GALNT13: variants seen among roughly 807,000 people sequenced by gnomAD.
The protein encoded by GALNT13 is polypeptide N-acetylgalactosaminyltransferase 13.
A neutral mutation model predicts 64.2 loss-of-function variants in GALNT13; 28 were observed. The observed-to-expected ratio is 0.44, with a 90% CI of 0.32 to 0.60. The LOEUF is 0.60. GALNT13 is among the 20% of genes least tolerant of loss of function. The pLI is 0.05. For synonymous variants in GALNT13, 214 were observed against 224.6 expected, an observed-to-expected ratio of 0.95 and a Z score of 0.42; for missense variants, 577 against 669.8, an observed-to-expected ratio of 0.86 and a Z score of 1.53.
chr2:153,911,697 T>C (rs949976111), intron 2 of GALNT13, among the ~76,000 whole-genome samples: 1 of 152,160 alleles, frequency 6.6e-6, no homozygotes, highest in African/African-American at 2.4e-5. Context: ...AAATTCTTGG[T>C]CAGAATTTAT....
intron 4 of GALNT13, among the ~76,000 whole-genome samples, chr2:154,147,185 C>G (rs1021275881): frequency 2.6e-5 from 4 of 151,852 alleles, no homozygotes; most frequent in African/African-American, 9.7e-5. Context: ...ATTTCTCCAG[C>G]CCCTACCAAC....
intron 3 of GALNT13, among the ~76,000 whole-genome samples, chr2:154,027,745 T>C (rs888484361): frequency 6.6e-6 from 1 of 152,060 alleles, no homozygotes. Context: ...ATAAATATCA[T>C]GGGGGATAAA....
chr2:154,227,095 C>G (rs945762750), intron 4 of GALNT13, among the ~76,000 whole-genome samples: 1 of 152,040 alleles, frequency 6.6e-6, no homozygotes. Flanking sequence ...TATCATCTCT[C>G]GTAGTCAGGG....
intron 1 of GALNT13, among the ~76,000 whole-genome samples, chr2:153,888,496 A>G (rs16834756): frequency 0.053 from 8,136 of 152,078 alleles, 310 homozygotes; most frequent in South Asian, 0.11. Context: ...AACTTTTGCC[A>G]TGTGATTCAA....
At chr2:154,096,781 A>G (rs1186507316) in intron 3 of GALNT13, among the ~76,000 whole-genome samples, 1 of 152,008 alleles carries the variant, frequency 6.6e-6, no homozygotes, top group Non-Finnish European at 1.5e-5. Context: ...TTCCCTATAC[A>G]GGTTCTAAAA....
the GALNT13 span, among the ~76,000 whole-genome samples, chr2:153,594,277 G>A: frequency 6.6e-6 from 1 of 152,018 alleles, no homozygotes; most frequent in African/African-American, 2.4e-5. Flanking sequence ...TTCTAATAAA[G>A]GTTACCAATG....
chr2:154,409,166 A>G, intron 11 of GALNT13, 84 bp downstream of exon 11: 1 of 839,480 alleles, frequency 1.2e-6, no homozygotes, highest in Non-Finnish European at 2.1e-6. Context: ...CTCACATGTT[A>G]ATAACTATAA....
At chr2:153,465,539 G>C in the GALNT13 span, among the ~76,000 whole-genome samples, 1 of 151,432 alleles carries the variant, frequency 6.6e-6, no homozygotes, top group Non-Finnish European at 1.5e-5. Context: ...TACTCATATA[G>C]TAAGGAAACA....
the GALNT13 span, among the ~76,000 whole-genome samples, chr2:153,863,256 T>G: frequency 6.6e-6 from 1 of 152,114 alleles, no homozygotes; most frequent in Non-Finnish European, 1.5e-5. Flanking sequence ...ATGATGAAAA[T>G]CCAATATGAT....
chr2:153,094,809 T>C, the GALNT13 span, among the ~76,000 whole-genome samples: 1 of 152,170 alleles, frequency 6.6e-6, no homozygotes, highest in Admixed American at 6.5e-5. Flanking sequence ...ATTTAATAAA[T>C]GGTGCTGGGA....
chr2:153,929,440 G>A (rs376198698), intron 2 of GALNT13, among the ~76,000 whole-genome samples: 9 of 152,048 alleles, frequency 5.9e-5, no homozygotes, highest in South Asian at 2.1e-4. Flanking sequence ...AGATTATTTC[G>A]TCACCCAGGT....
intron 11 of GALNT13, among the ~76,000 whole-genome samples, chr2:154,416,738 T>C (rs1268394682): frequency 6.6e-6 from 1 of 152,180 alleles, no homozygotes; most frequent in Non-Finnish European, 1.5e-5. Context: ...ATAGGCCCTG[T>C]GATCATTTGA....
chr2:154,442,914 A>G lies in GALNT13; in HGVS notation c.1530+4188A>G, dbSNP rs972570285. Among the ~76,000 whole-genome samples, 6 of 152,148 alleles carry G rather than the reference A, an allele frequency of 3.9e-5. No individual in the cohort carries two copies. The East Asian group carries it at 1.2e-3, about 29-fold the overall frequency. On this transcript the variant is annotated intron_variant, in intron 12 of 12. Coordinates refer to ENST00000392825, the MANE Select transcript of GALNT13 (RefSeq NM_052917.4). Reference sequence around the variant, plus strand: ...GTTGACTTAGAAAATACTTGTTGTGAATTCTATATACATCTGTATCAAATA... The same window carrying G: ...GTTGACTTAGAAAATACTTGTTGTGGATTCTATATACATCTGTATCAAATA...
chr2:153,090,285 A>T, the GALNT13 span, among the ~76,000 whole-genome samples: 10 of 152,166 alleles, frequency 6.6e-5, no homozygotes, highest in African/African-American at 2.4e-4. Context: ...ATGTCTACAA[A>T]GACTCCTGTG....
intron 3 of GALNT13, among the ~76,000 whole-genome samples, chr2:154,066,574 G>T (rs1288684112): frequency 6.6e-6 from 1 of 151,508 alleles, no homozygotes; most frequent in African/African-American, 2.4e-5. Flanking sequence ...AGAATGAAAT[G>T]ACATATTTAA....
intron 9 of GALNT13, among the ~76,000 whole-genome samples, chr2:154,363,610 T>C (rs886606985): frequency 3.9e-5 from 6 of 152,158 alleles, no homozygotes; most frequent in Admixed American, 1.3e-4. Context: ...TGAAATGAAA[T>C]GGTTATGTCT....
the GALNT13 span, among the ~76,000 whole-genome samples, chr2:153,841,884 A>T: frequency 2.0e-5 from 3 of 152,146 alleles, no homozygotes; most frequent in African/African-American, 7.2e-5. Context: ...ACAAAAGATG[A>T]TGTTTACATT....
intron 3 of GALNT13, among the ~76,000 whole-genome samples, chr2:154,020,342 C>T (rs914380032): frequency 7.9e-5 from 12 of 152,154 alleles, no homozygotes; most frequent in African/African-American, 2.9e-4. Flanking sequence ...CCTATTTCTC[C>T]ACATCCTCTC....
the GALNT13 span, among the ~76,000 whole-genome samples, chr2:153,128,734 C>G: frequency 6.6e-6 from 1 of 152,040 alleles, no homozygotes; most frequent in African/African-American, 2.4e-5. Flanking sequence ...GGGCAATTTA[C>G]AAAAGGAAGA....
Sources: allele counts gnomAD v4.1 joint callset (sites outside exome capture counted in the v4.1 genomes callset), GRCh38; gene constraint gnomAD v4.1.1; transcripts MANE v1.5; gene names NCBI Gene and HGNC (gene_info 2026-07-23, HGNC 2026-07-21).